The following MGST1 variants were observed in gnomAD, a reference collection of about 807,000 sequenced individuals.
MGST1 encodes the protein microsomal glutathione S-transferase 1.
A neutral mutation model predicts 8.9 loss-of-function variants in MGST1; 5 were observed. The ratio of observed to expected loss-of-function variants is 0.56; its 90% CI spans 0.29 to 1.19. The LOEUF (loss-of-function observed/expected upper bound fraction) is 1.19, where lower values mean the gene tolerates loss of function less well. Ranked by LOEUF, MGST1 falls within the 50% of genes most tolerant of loss-of-function variation. The pLI, the probability that MGST1 is intolerant of heterozygous loss-of-function variation, is 0.08. For missense variants in MGST1, 182 were observed against 187.4 expected (o/e 0.97, Z 0.17); for synonymous variants, 54 against 67.8 (o/e 0.80, Z 1.00).
intron 4 of MGST1, among the ~76,000 whole-genome samples, chr12:16,510,516 A>G (rs1367134467): frequency 6.6e-6 from 1 of 151,984 alleles, no homozygotes; most frequent in Non-Finnish European, 1.5e-5. Flanking sequence ...ATTTCAGTTG[A>G]TTCAACAGTT....
chr12:16,373,962 A>T (rs1940338373), intron 3 of MGST1, among the ~76,000 whole-genome samples: 1 of 151,994 alleles, frequency 6.6e-6, no homozygotes, highest in African/African-American at 2.4e-5. Flanking sequence ...TAGTAGCTGA[A>T]TTTTTTTCCA....
chr12:16,514,665 A>G (rs1471648290), intron 4 of MGST1, among the ~76,000 whole-genome samples: 3 of 152,216 alleles, frequency 2.0e-5, no homozygotes, highest in Non-Finnish European at 2.9e-5. Flanking sequence ...CCAGGTCACC[A>G]AGTAATGTCC....
chr12:16,437,296 A>G (rs1019914398), intron 1 of MGST1: 1 of 151,970 alleles, frequency 6.6e-6, no homozygotes, highest in Non-Finnish European at 1.5e-5. Context: ...GTATTTGAGA[A>G]TATTGGTTAA....
intron 4 of MGST1, among the ~76,000 whole-genome samples, chr12:16,545,801 T>G (rs1182864211): frequency 6.6e-6 from 1 of 152,120 alleles, no homozygotes; most frequent in East Asian, 1.9e-4. Context: ...CATTCCCAAT[T>G]TTTATCTTTA....
chr12:16,507,616 A>G (rs1035898187), intron 4 of MGST1, among the ~76,000 whole-genome samples: 1 of 152,186 alleles, frequency 6.6e-6, no homozygotes, highest in African/African-American at 2.4e-5. Flanking sequence ...CAAGCTGTTC[A>G]GGAAACATAG....
At chr12:16,526,483 T>C (rs1298732959) in intron 4 of MGST1, among the ~76,000 whole-genome samples, 1 of 151,996 alleles carries the variant, frequency 6.6e-6, no homozygotes, top group Admixed American at 6.6e-5. Context: ...GAAATCAAAC[T>C]GCATGAGAAA....
intron 1 of MGST1, among the ~76,000 whole-genome samples, chr12:16,433,050 A>G (rs941093187): frequency 1.3e-5 from 2 of 152,086 alleles, no homozygotes; most frequent in African/African-American, 4.8e-5. Flanking sequence ...TCACACGATC[A>G]CAAGGTGAGG....
intron 1 of MGST1, among the ~76,000 whole-genome samples, chr12:16,436,910 G>C (rs1591727730): frequency 1.3e-5 from 2 of 151,924 alleles, no homozygotes; most frequent in East Asian, 3.9e-4. Flanking sequence ...AAAAAGATAT[G>C]ACATGATCAT....
intron 4 of MGST1, among the ~76,000 whole-genome samples, chr12:16,569,123 G>A (rs1942722569): frequency 6.6e-6 from 1 of 152,138 alleles, no homozygotes; most frequent in African/African-American, 2.4e-5. Flanking sequence ...ACAACAATAT[G>A]TAAAGAAAAA....
intron 4 of MGST1, among the ~76,000 whole-genome samples, chr12:16,466,862 A>G (rs1253574819): frequency 6.6e-6 from 1 of 151,870 alleles, no homozygotes. Context: ...TTCCCTAAAG[A>G]TTTCACATTT....
intron 1 of MGST1, chr12:16,399,969 A>C: frequency 7.4e-7 from 1 of 1,355,568 alleles, no homozygotes; most frequent in Admixed American, 1.7e-5. Flanking sequence ...GCGCACTACT[A>C]GTGGGCTGAA....
At position 16,560,595 on chromosome 12, in the gene MGST1, G is replaced by T; in HGVS notation, n.483-28933G>T. On this transcript the variant is annotated intron_variant and non_coding_transcript_variant, in intron 4 of 4. Coordinates refer to the MGST1 transcript ENST00000538857. This position sits in a 1 kb window ranked among gnomAD's most constrained non-coding sequence, Gnocchi z 5.0. ...AACTCTTACAGAGAAATCTGAGATCGTGAAGAGAGATGATGTTAATATACT... is the reference window on the plus strand; with the variant it reads ...AACTCTTACAGAGAAATCTGAGATCTTGAAGAGAGATGATGTTAATATACT... The T allele has an allele frequency of 1.3e-6, 2 of 1,489,906 alleles. No individual in the cohort carries two copies. Among genetic ancestry groups the T allele is most frequent in the African/African-American group, 1.4e-5 (1 of 71,930 alleles). The allele number at this position is 1,489,906 out of a possible 1,614,324, so 92.3% of individuals were successfully genotyped here.
chr12:16,405,695 A>C (rs1940693023), intron 1 of MGST1, among the ~76,000 whole-genome samples: 1 of 148,398 alleles, frequency 6.7e-6, no homozygotes, highest in African/African-American at 2.5e-5. Context: ...CCAACAGCAC[A>C]TCCAAAAGCT....
rs745417962 is a variant in MGST1, at chr12:16,560,992, A to G, written n.483-28536A>G. The stretch of plus-strand genomic sequence containing the variant: ...GGTTTGCCATTATTATTAAAAATAC[A>G]TTTATGAAGAAGCCATTTAAATAGT... On this transcript the variant is annotated intron_variant and non_coding_transcript_variant, in intron 4 of 4. Coordinates refer to the MGST1 transcript ENST00000538857. The surrounding 1 kb of genome is among the most constrained non-coding windows in gnomAD (Gnocchi z 5.0). 1.6e-4 allele frequency among the ~76,000 whole-genome samples: 24 copies of G among 152,296 alleles called. No homozygotes were observed. Among genetic ancestry groups the G allele is most frequent in the Non-Finnish European group, 2.6e-4 (18 of 68,014 alleles).
intron 3 of MGST1, among the ~76,000 whole-genome samples, chr12:16,373,101 C>T (rs796302843): frequency 4.7e-5 from 7 of 149,886 alleles, no homozygotes; most frequent in Non-Finnish European, 8.9e-5. Flanking sequence ...TCATTTGAAA[C>T]AACATGGATA....
downstream of MGST1, among the ~76,000 whole-genome samples, chr12:16,367,692 C>A (rs7303782): frequency 1.3e-5 from 2 of 151,920 alleles, no homozygotes; most frequent in Non-Finnish European, 2.9e-5. Flanking sequence ...AAGACTAAGA[C>A]AATCTGACAC....
At position 16,560,713 on chromosome 12, in the gene MGST1, G is replaced by A. The variant is rs1195122010; in HGVS notation, n.483-28815G>A. The A allele has an allele frequency of 2.4e-5, 15 of 633,700 alleles. No individual in the cohort carries two copies. The highest frequency in any genetic ancestry group is 8.9e-5 in the South Asian group (5 of 56,016). 39.3% of individuals were successfully genotyped at this position (633,700 alleles called of 1,614,324 possible). Reference sequence around the variant, plus strand: ...AATATTCTTCTGCAATATATTCTCCGTTGACCTTCCTTGATGAAAATCACA... The same window carrying A: ...AATATTCTTCTGCAATATATTCTCCATTGACCTTCCTTGATGAAAATCACA... On this transcript the variant is annotated intron_variant and non_coding_transcript_variant, in intron 4 of 4. Transcript: ENST00000538857. The surrounding 1 kb of genome is among the most constrained non-coding windows in gnomAD (Gnocchi z 5.0).
intron 1 of MGST1, among the ~76,000 whole-genome samples, chr12:16,412,590 C>T (rs1940751551): frequency 6.6e-6 from 1 of 152,156 alleles, no homozygotes. Context: ...CCCACATGTC[C>T]TGGGAGGGAC....
chr12:16,365,353 C>G (rs1472037481), downstream of MGST1, among the ~76,000 whole-genome samples: 1 of 151,916 alleles, frequency 6.6e-6, no homozygotes, highest in Admixed American at 6.6e-5. Flanking sequence ...TGCCATCCAT[C>G]TAATTTATAT....
Sources: allele counts gnomAD v4.1 joint callset (sites outside exome capture counted in the v4.1 genomes callset), GRCh38; gene constraint gnomAD v4.1.1; non-coding constraint Gnocchi (gnomAD v3.1); transcripts MANE v1.5; gene names NCBI Gene and HGNC (gene_info 2026-07-23, HGNC 2026-07-21).